Variants in DNAI1 observed in about 807,000 individuals in gnomAD.
DNAI1 encodes the protein dynein axonemal intermediate chain 1.
A neutral mutation model predicts 92.0 loss-of-function variants in DNAI1; 67 were observed. The observed-to-expected ratio is 0.73, with a 90% CI of 0.60 to 0.89. DNAI1 has a LOEUF of 0.89. Ranked by LOEUF, DNAI1 falls within the 40% of genes least tolerant of loss-of-function variation. DNAI1 has a pLI of 0.00. For missense variants in DNAI1, 839 were observed against 866.6 expected, an observed-to-expected ratio of 0.97 and a Z score of 0.40; for synonymous variants, 323 against 319.6, an observed-to-expected ratio of 1.01 and a Z score of -0.11.
chr9:34,502,650 C>T (rs1377778772), intron 12 of DNAI1, among the ~76,000 whole-genome samples: 4 of 152,114 alleles, frequency 2.6e-5, no homozygotes, highest in Admixed American at 2.0e-4. Flanking sequence ...GGTCACCTCC[C>T]ACCAGCAGAA....
chr9:34,503,854 G>A (rs1405734478), intron 12 of DNAI1, among the ~76,000 whole-genome samples: 1 of 152,226 alleles, frequency 6.6e-6, no homozygotes, highest in African/African-American at 2.4e-5. Context: ...GAAAGAGGCT[G>A]TCAGTAGGTA....
chr9:34,493,055 C>A, intron 8 of DNAI1, 139 bp from the exon 9 acceptor site: 1 of 1,117,642 alleles, frequency 8.9e-7, no homozygotes. Context: ...GTATTGAATA[C>A]CTAATTCCAA....
chr9:34,486,686 G>A lies in DNAI1; in HGVS notation c.261+1169G>A, dbSNP rs181569048. On this transcript the variant is annotated intron_variant, in intron 4 of 19. Coordinates refer to ENST00000242317, the MANE Select transcript of DNAI1 (RefSeq NM_012144.4). ...AAAGTGTACAATTCAGTGGCTTTTA[G>A]TACATTTATGGGTTGTACAATGACC... Among the ~76,000 whole-genome samples, 720 of 152,166 alleles carry A rather than the reference G, an allele frequency of 4.7e-3. 5 individuals carry two copies. The highest frequency in any genetic ancestry group is 6.9e-3 in the Non-Finnish European group (467 of 68,004).
chr9:34,501,266 T>G (rs530981001), intron 12 of DNAI1, 85 bp downstream of exon 12: 1 of 1,182,762 alleles, frequency 8.5e-7, no homozygotes, highest in South Asian at 1.2e-5. Context: ...TTGCCAGTTG[T>G]AAGAAATACA....
chr9:34,459,986 T>C (rs1823915957), intron 1 of DNAI1, among the ~76,000 whole-genome samples: 1 of 152,166 alleles, frequency 6.6e-6, no homozygotes, highest in Non-Finnish European at 1.5e-5. Context: ...ACCCCCACAG[T>C]GCACAACCCA....
intron 1 of DNAI1, 48 bp from the exon 2 acceptor site, chr9:34,483,400 A>C: frequency 1.3e-6 from 2 of 1,583,498 alleles, no homozygotes; most frequent in South Asian, 2.2e-5. Context: ...TGATATTTCC[A>C]TGTCAATTTG....
At chr9:34,499,736 A>G (rs1268090580) in intron 10 of DNAI1, among the ~76,000 whole-genome samples, 2 of 152,222 alleles carry the variant, frequency 1.3e-5, no homozygotes, top group Non-Finnish European at 2.9e-5. Flanking sequence ...AAAACGATGT[A>G]GAAACACCCA....
At chr9:34,491,704 C>T (rs1824599663) in intron 8 of DNAI1, 150 bp downstream of exon 8, 3 of 871,956 alleles carry the variant, frequency 3.4e-6, no homozygotes. Context: ...CCTGAGCATC[C>T]AGGCTCTGAA....
intron 1 of DNAI1, among the ~76,000 whole-genome samples, chr9:34,472,612 A>G (rs1287299912): frequency 6.6e-6 from 1 of 152,220 alleles, no homozygotes; most frequent in Non-Finnish European, 1.5e-5. Context: ...TTCACATTTA[A>G]TACATTAGGC....
At chr9:34,501,835 G>A (rs1313870063) in intron 12 of DNAI1, among the ~76,000 whole-genome samples, 5 of 152,094 alleles carry the variant, frequency 3.3e-5, no homozygotes, top group Admixed American at 6.5e-5. Context: ...GAGTGTGCCC[G>A]CCCCTGCCAG....
intron 1 of DNAI1, among the ~76,000 whole-genome samples, chr9:34,464,522 T>G: frequency 7.7e-6 from 1 of 129,946 alleles, no homozygotes. Flanking sequence ...CTGCCCCCAA[T>G]GCCCCCTGCC....
intron 1 of DNAI1, among the ~76,000 whole-genome samples, chr9:34,462,268 T>C (rs1823965749): frequency 6.6e-6 from 1 of 152,194 alleles, no homozygotes. Context: ...GAAAGTGATA[T>C]TCACACTGTT....
At position 34,514,629 on chromosome 9, in the gene DNAI1, C is replaced by T. The variant is rs774758389; in HGVS notation, c.1719-11C>T. On this transcript the variant is annotated splice_polypyrimidine_tract_variant and intron_variant, in intron 17 of 19. Transcript: ENST00000242317. ...TCTGTGCCATGGGCTTTCCACCCTC[C>T]ACCTCTGCAGGACCCCGATGTTCAT... The T allele has an allele frequency of 6.1e-5, 98 of 1,614,236 alleles. No individual in the cohort carries two copies. The highest frequency in any genetic ancestry group is 8.1e-5 in the Non-Finnish European group (95 of 1,180,042).
chr9:34,516,744 C>CTTTTCTTTTCT (rs60433524), intron 18 of DNAI1, among the ~76,000 whole-genome samples: 4 of 135,066 alleles, frequency 3.0e-5, no homozygotes, highest in Admixed American at 1.5e-4. Context: ...CTTTTCTTTT[C>CTTTTCTTTTCT]TTTTTTTTTT....
intron 10 of DNAI1, among the ~76,000 whole-genome samples, chr9:34,498,222 G>A (rs189117546): frequency 6.6e-6 from 1 of 152,330 alleles, no homozygotes; most frequent in African/African-American, 2.4e-5. Flanking sequence ...ACTGGGAGTA[G>A]CCTGTGTGTC....
At chr9:34,511,605 C>T (rs911072960) in intron 13 of DNAI1, among the ~76,000 whole-genome samples, 1 of 152,172 alleles carries the variant, frequency 6.6e-6, no homozygotes, top group South Asian at 2.1e-4. Flanking sequence ...TAACATGTAT[C>T]GAATACTTCA....
rs116182225 is a variant in DNAI1, at chr9:34,508,379, G to A, written c.1311+1505G>A. 6.5e-3 allele frequency among the ~76,000 whole-genome samples: 989 copies of A among 152,290 alleles called. 6 individuals are homozygous for A. Among genetic ancestry groups the A allele is most frequent in the African/African-American group, 0.021 (893 of 41,562 alleles). The stretch of plus-strand genomic sequence containing the variant: ...AGGGAGGCAGCCCCTCCTGCCATAC[G>A]CCCTCCCCGGCTACTCTCCAACAAA... On this transcript the variant is annotated intron_variant, in intron 13 of 19. Transcript: ENST00000242317.
In DNAI1 at chr9:34,458,913, A is replaced by C; in HGVS notation, c.-93A>C. On this transcript the variant is annotated 5_prime_UTR_variant, in exon 1 of 20. Coordinates refer to ENST00000242317, the MANE Select transcript of DNAI1 (RefSeq NM_012144.4). This position sits in a 1 kb window ranked among gnomAD's most constrained non-coding sequence, Gnocchi z 6.6. ...CGTTGCGACTGGTAACTGAAGTGGA[A>C]GAGAGTCCAGATTTCTTGTGTGTGG... The C allele has an allele frequency of 3.5e-6, 4 of 1,131,564 alleles. No homozygotes were observed. Among genetic ancestry groups the C allele is most frequent in the Non-Finnish European group, 5.4e-6 (4 of 745,188 alleles). 70.1% of individuals were successfully genotyped at this position (1,131,564 alleles called of 1,614,324 possible). A position where few individuals can be genotyped will look rare whatever the true frequency, so the allele number is the denominator to read the frequency against.
At chr9:34,503,934 A>G (rs1410906504) in intron 12 of DNAI1, among the ~76,000 whole-genome samples, 1 of 152,198 alleles carries the variant, frequency 6.6e-6, no homozygotes, top group African/African-American at 2.4e-5. Flanking sequence ...GACTGCTGGG[A>G]TGCAATGATG....
Sources: allele counts gnomAD v4.1 joint callset (sites outside exome capture counted in the v4.1 genomes callset), GRCh38; gene constraint gnomAD v4.1.1; non-coding constraint Gnocchi (gnomAD v3.1); transcripts MANE v1.5; gene names NCBI Gene and HGNC (gene_info 2026-07-23, HGNC 2026-07-21).